The following MOB2 variants were observed in gnomAD, a reference collection of about 807,000 sequenced individuals.
MOB2 encodes MOB2 Mps One Binder homolog.
In MOB2, 14 loss-of-function variants were observed where a neutral mutation model predicts 27.4. That is an observed-to-expected ratio of 0.51 (90% CI 0.34 to 0.80). The LOEUF (loss-of-function observed/expected upper bound fraction) is 0.80, where lower values mean the gene tolerates loss of function less well. Among genes scored for constraint, MOB2 ranks in the 30% least tolerant of loss-of-function variants. The pLI is 0.01. For synonymous variants in MOB2, 167 were observed against 151.8 expected, an observed-to-expected ratio of 1.10 and a Z score of -0.74; for missense variants, 304 against 354.6, an observed-to-expected ratio of 0.86 and a Z score of 1.15.
In MOB2 at chr11:1,480,509, A is replaced by C. The variant is rs1429015347; in HGVS notation, c.272-23T>G. 3 of 1,611,762 alleles carry C rather than the reference A, an allele frequency of 1.9e-6. No individual in the cohort carries two copies. In the South Asian group the frequency reaches 3.3e-5, roughly 18 times the overall value. ...TGGCTGGAAGAGAAGAGAAGGAGCC[A>C]GATGTGAAAAACGCCAGAGCTGAGC... On this transcript the variant is annotated intron_variant, in intron 2 of 4. Transcript: ENST00000329957.
At chr11:1,472,845 C>CATCTCT (rs1847810059) in intron 3 of MOB2, 9 of 161,306 alleles carry the variant, frequency 5.6e-5, no homozygotes, top group African/African-American at 2.2e-4. Flanking sequence ...GGGCCTCCAG[C>CATCTCT]GTCTCCGGGC....
chr11:1,480,702 C>A, intron 2 of MOB2, 23 bp downstream of exon 2: 2 of 1,594,918 alleles, frequency 1.3e-6, no homozygotes, highest in African/African-American at 2.7e-5. Flanking sequence ...AGGGAGGGGG[C>A]CCGCCCCCAG....
chr11:1,486,367 C>G, intron 1 of MOB2, 80 bp downstream of exon 1: 2 of 1,152,576 alleles, frequency 1.7e-6, no homozygotes, highest in Non-Finnish European at 2.5e-6. Context: ...CCTCCCCACC[C>G]TGACCTCCTT....
Position 1,484,938 on chromosome 11 carries a change from G to A in MOB2, c.110+1509C>T, listed in dbSNP as rs1590768723. 2.0e-5 allele frequency among the ~76,000 whole-genome samples: 3 copies of A among 152,156 alleles called. No individual in the cohort carries two copies. The South Asian group carries it at 6.2e-4, about 32-fold the overall frequency. On this transcript the variant is annotated intron_variant, in intron 1 of 4. Transcript: ENST00000329957. ...ACAGGTCAGCAGCCCCAGACAAAGC[G>A]AGCTTTTACCAGCCTACTGTGCCCT...
At chr11:1,480,972 G>A (rs1847906842) in intron 1 of MOB2, 87 bp from the exon 2 acceptor site, 3 of 1,490,714 alleles carry the variant, frequency 2.0e-6, no homozygotes, top group East Asian at 2.5e-5. Context: ...CAGCGCAGGT[G>A]TAGAGGGAGC....
chr11:1,477,385 C>G (rs1273885779), intron 3 of MOB2, among the ~76,000 whole-genome samples: 4 of 152,168 alleles, frequency 2.6e-5, no homozygotes, highest in Non-Finnish European at 5.9e-5. Flanking sequence ...CACATCTTGT[C>G]CTCTTACTTC....
intron 3 of MOB2, chr11:1,471,686 G>A (rs1007306664): frequency 1.8e-4 from 72 of 392,822 alleles, no homozygotes; most frequent in Non-Finnish European, 3.0e-4. Context: ...TGGCTGTACA[G>A]GTGTGTGATT....
intron 1 of MOB2, among the ~76,000 whole-genome samples, chr11:1,484,301 C>T (rs1050594840): frequency 6.6e-6 from 1 of 152,176 alleles, no homozygotes; most frequent in South Asian, 2.1e-4. Flanking sequence ...GTCCCCAAGC[C>T]CAGGCCTGGA....
intron 3 of MOB2, chr11:1,471,793 A>C: frequency 5.8e-6 from 1 of 172,440 alleles, no homozygotes; most frequent in Non-Finnish European, 1.2e-5. Flanking sequence ...TGTATTTTGA[A>C]AGCACACAGA....
chr11:1,484,735 G>A (rs1440636533), intron 1 of MOB2, among the ~76,000 whole-genome samples: 1 of 152,086 alleles, frequency 6.6e-6, no homozygotes, highest in Non-Finnish European at 1.5e-5. Flanking sequence ...GTTCTAACCC[G>A]AGTTCTCCCT....
At chr11:1,482,742 G>A (rs1166444583) in intron 1 of MOB2, among the ~76,000 whole-genome samples, 1 of 152,226 alleles carries the variant, frequency 6.6e-6, no homozygotes, top group East Asian at 1.9e-4. Context: ...ATTCCCATGG[G>A]GCAGGTGGAC....
At chr11:1,472,051 T>A (rs934951675) in intron 3 of MOB2, 2 of 152,392 alleles carry the variant, frequency 1.3e-5, no homozygotes, top group African/African-American at 4.8e-5. Flanking sequence ...TGGAGCATCC[T>A]AGGGACATGG....
chr11:1,475,096 G>A (rs1455732355), intron 3 of MOB2, among the ~76,000 whole-genome samples: 1 of 152,208 alleles, frequency 6.6e-6, no homozygotes, highest in African/African-American at 2.4e-5. Context: ...TCGATTTTCT[G>A]TAACAGCATT....
rs1389969473 is a variant in MOB2 at position 1,475,210 on chromosome 11, TCA to T, written c.366-3793_366-3792del. Among the ~76,000 whole-genome samples the T allele has an allele frequency of 7.9e-5, 12 of 152,370 alleles. No individual in the cohort carries two copies. In the South Asian group the frequency reaches 8.3e-4, roughly 11 times the overall value. ...ATAAATGGCATGTTAAATATTAATT[TCA>T]GTTTTAAATTTCACATTGCTAATAT... On this transcript the variant is annotated intron_variant, in intron 3 of 4. Transcript: ENST00000329957.
rs141160530 is a variant in MOB2 at position 1,477,402 on chromosome 11, G to A, written c.365+2991C>T. On this transcript the variant is annotated intron_variant, in intron 3 of 4. Transcript: ENST00000329957. Reference sequence around the variant, plus strand: ...CATCTTGTCCTCTTACTTCTCACCCGCCTGCACCACAGCACCTAGAGTGGT... The same window carrying A: ...CATCTTGTCCTCTTACTTCTCACCCACCTGCACCACAGCACCTAGAGTGGT... Among the ~76,000 whole-genome samples, 40 of 152,134 alleles carry A rather than the reference G, an allele frequency of 2.6e-4. No homozygotes were observed. In the East Asian group the frequency reaches 6.0e-3, roughly 23 times the overall value.
chr11:1,470,848 G>A (rs1227812292), intron 4 of MOB2, among the ~76,000 whole-genome samples: 2 of 152,222 alleles, frequency 1.3e-5, no homozygotes, highest in East Asian at 1.9e-4. Context: ...GCCATCTCCC[G>A]GGCCAGGACG....
At position 1,469,524 on chromosome 11, in the gene MOB2, G is replaced by A. The variant is rs374329633; in HGVS notation, c.*648C>T. ...TAAGGTAAGCGGGTCTCAGCCTTCC[G>A]CTGGTGCAGCATCTCCACGCAGGGC... On this transcript the variant is annotated 3_prime_UTR_variant, in exon 5 of 5. Transcript: ENST00000329957. 5.2e-4 allele frequency: 239 copies of A among 455,380 alleles called. No individual in the cohort carries two copies. Among genetic ancestry groups the A allele is most frequent in the Non-Finnish European group, 7.5e-4 (170 of 226,130 alleles). The allele number at this position is 455,380 out of a possible 1,614,324, so 28.2% of individuals were successfully genotyped here.
At position 1,480,565 on chromosome 11, in the gene MOB2, G is replaced by C. The variant is rs1847899944; in HGVS notation, c.272-79C>G. ...CGTCCACCCCTGCTTCCAGCAACAG[G>C]TGCAGGAGCTCGGCTGGGTGAGCTC... On this transcript the variant is annotated intron_variant, in intron 2 of 4. Coordinates refer to ENST00000329957, the MANE Select transcript of MOB2 (RefSeq NM_001172223.3). 3 of 1,548,432 alleles carry C rather than the reference G, an allele frequency of 1.9e-6. No homozygotes were observed. In the Admixed American group the frequency reaches 5.1e-5, roughly 26 times the overall value.
At chr11:1,479,071 T>C (rs779128297) in intron 3 of MOB2, among the ~76,000 whole-genome samples, 1 of 152,226 alleles carries the variant, frequency 6.6e-6, no homozygotes, top group African/African-American at 2.4e-5. Context: ...CTGGGTGGCC[T>C]AGGCCCTCCA....
Sources: allele counts gnomAD v4.1 joint callset (sites outside exome capture counted in the v4.1 genomes callset), GRCh38; gene constraint gnomAD v4.1.1; transcripts MANE v1.5; gene names NCBI Gene and HGNC (gene_info 2026-07-23, HGNC 2026-07-21).